PLPPR1: variants seen among roughly 807,000 people sequenced by gnomAD.
PLPPR1 encodes the protein phospholipid phosphatase related 1, also known as phospholipid phosphatase-related protein type 1.
A neutral mutation model predicts 33.1 loss-of-function variants in PLPPR1; 10 were observed. The ratio of observed to expected loss-of-function variants is 0.30; its 90% confidence interval spans 0.19 to 0.51. PLPPR1 has a LOEUF of 0.51. PLPPR1 is among the 20% of genes least tolerant of loss of function. The probability of loss-of-function intolerance (pLI) is 0.97; values close to 1 mark genes in which losing one functional copy is unlikely to be tolerated. For missense variants in PLPPR1, 304 were observed against 408.1 expected (o/e 0.74, Z 2.20); for synonymous variants, 151 against 151.0 (o/e 1.00, Z 0.00).
intron 2 of PLPPR1, among the ~76,000 whole-genome samples, chr9:101,242,448 T>C (rs1376135045): frequency 6.6e-6 from 1 of 152,050 alleles, no homozygotes; most frequent in Non-Finnish European, 1.5e-5. Context: ...CTCTCAATTC[T>C]ATTACAGTAG....
intron 1 of PLPPR1, among the ~76,000 whole-genome samples, chr9:101,076,918 C>T (rs151005121): frequency 7.9e-5 from 12 of 152,274 alleles, no homozygotes; most frequent in Non-Finnish European, 1.3e-4. Context: ...CGGCTTCTTC[C>T]CTACTTCCCT....
At chr9:101,066,375 T>C (rs1830414157) in intron 1 of PLPPR1, among the ~76,000 whole-genome samples, 1 of 151,804 alleles carries the variant, frequency 6.6e-6, no homozygotes, top group Non-Finnish European at 1.5e-5. Context: ...ATTACTTTTG[T>C]CCCTACCCCC....
intron 2 of PLPPR1, among the ~76,000 whole-genome samples, chr9:101,224,509 C>T (rs114441853): frequency 9.1e-4 from 139 of 152,160 alleles, no homozygotes; most frequent in African/African-American, 3.1e-3. Flanking sequence ...ATCGTGGTGA[C>T]GGTTTCACTT....
chr9:101,180,947 C>G (rs1390716630), intron 1 of PLPPR1, among the ~76,000 whole-genome samples: 1 of 151,458 alleles, frequency 6.6e-6, no homozygotes, highest in African/African-American at 2.4e-5. Flanking sequence ...AAGAGACAAC[C>G]TACAGATCAG....
chr9:101,264,269 G>A (rs555230867), intron 2 of PLPPR1, among the ~76,000 whole-genome samples: 1 of 152,200 alleles, frequency 6.6e-6, no homozygotes, highest in Admixed American at 6.5e-5. Flanking sequence ...AAGCTCTGAT[G>A]TCATACTCCC....
chr9:101,171,556 CTTG>C (rs991252516), intron 1 of PLPPR1, among the ~76,000 whole-genome samples: 1 of 152,124 alleles, frequency 6.6e-6, no homozygotes, highest in Admixed American at 6.6e-5. Flanking sequence ...ATGCCACCCT[CTTG>C]TTGTGTCTGG....
chr9:101,214,238 C>T (rs903836070), intron 2 of PLPPR1, among the ~76,000 whole-genome samples: 8 of 152,218 alleles, frequency 5.3e-5, no homozygotes, highest in Admixed American at 4.6e-4. Context: ...GGGAAAATTA[C>T]AATTTGACCT....
At chr9:101,093,607 C>G (rs945511938) in intron 1 of PLPPR1, among the ~76,000 whole-genome samples, 2 of 152,186 alleles carry the variant, frequency 1.3e-5, no homozygotes, top group African/African-American at 4.8e-5. Flanking sequence ...GCATTCAACC[C>G]TATGTTCTTC....
rs1339030895 is a variant in PLPPR1 at position 101,286,235 on chromosome 9, A to C, written c.384A>C (p.Thr128=). The part of the protein sequence containing the change: ...NPLLRRIIRF[T]GVFAFGLFAT... Reference sequence around the variant, plus strand: ...TACTTCGAAGGATCATAAGATTCACAGGTGAGTACAAGATGGTGCTGAACT... The same window carrying C: ...TACTTCGAAGGATCATAAGATTCACCGGTGAGTACAAGATGGTGCTGAACT... Residue 128 remains threonine, a splice_region_variant and synonymous_variant, in exon 4 of 8, where the codon ACA becomes ACC. Transcript: ENST00000374874. 1 of 1,613,532 alleles carries C rather than the reference A, an allele frequency of 6.2e-7. No homozygotes were observed. Among genetic ancestry groups the C allele is most frequent in the Admixed American group, 1.7e-5 (1 of 59,926 alleles).
chr9:101,239,843 C>A (rs145285182), intron 2 of PLPPR1, among the ~76,000 whole-genome samples: 220 of 152,116 alleles, frequency 1.4e-3, no homozygotes, highest in South Asian at 2.7e-3. Context: ...TCCCATTCTA[C>A]AGGTTCTTCC....
At chr9:101,288,093 TAA>T (rs1828427449) in intron 4 of PLPPR1, among the ~76,000 whole-genome samples, 1 of 152,178 alleles carries the variant, frequency 6.6e-6, no homozygotes, top group African/African-American at 2.4e-5. Context: ...GTCCAAGGAA[TAA>T]AAATTTTGAC....
chr9:101,212,036 AT>A (rs113679097), intron 2 of PLPPR1, among the ~76,000 whole-genome samples: 4 of 150,306 alleles, frequency 2.7e-5, no homozygotes, highest in South Asian at 2.1e-4. Context: ...TTGCTGTGAG[AT>A]TTTTTTTTTC....
At chr9:101,280,519 A>G (rs933873094) in intron 3 of PLPPR1, among the ~76,000 whole-genome samples, 7 of 152,298 alleles carry the variant, frequency 4.6e-5, no homozygotes, top group Admixed American at 4.6e-4. Context: ...TCCCTAATGA[A>G]CATGGTTGCA....
chr9:101,078,111 A>AAGGAGAAGGAGAAGGAGG (rs1564138147), intron 1 of PLPPR1, among the ~76,000 whole-genome samples: 1 of 13,094 alleles, frequency 7.6e-5, no homozygotes, highest in Non-Finnish European at 1.3e-4. Context: ...GGAGAAGAAG[A>AAGGAGAAGGAGAAGGAGG]AGAAGAAGAA....
At chr9:101,099,633 C>T (rs189506206) in intron 1 of PLPPR1, among the ~76,000 whole-genome samples, 101 of 152,164 alleles carry the variant, frequency 6.6e-4, no homozygotes, top group African/African-American at 2.3e-3. Flanking sequence ...ATAGTGCTTA[C>T]ATTGTATTAG....
chr9:101,312,262 T>C (rs1828973006), intron 5 of PLPPR1, among the ~76,000 whole-genome samples: 1 of 151,784 alleles, frequency 6.6e-6, no homozygotes, highest in South Asian at 2.1e-4. Flanking sequence ...TAATTCAGCC[T>C]ATCAACTAAC....
chr9:101,246,335 G>A (rs998685592), intron 2 of PLPPR1, among the ~76,000 whole-genome samples: 2 of 151,750 alleles, frequency 1.3e-5, no homozygotes, highest in Non-Finnish European at 2.9e-5. Flanking sequence ...CTAATTAAGA[G>A]GACAGGGACA....
At chr9:101,117,658 T>TAA (rs534608741) in intron 1 of PLPPR1, among the ~76,000 whole-genome samples, 6 of 142,088 alleles carry the variant, frequency 4.2e-5, no homozygotes, top group East Asian at 2.1e-4. Context: ...TGCTTTCACT[T>TAA]AAAAAAAAAA....
chr9:101,260,908 A>G (rs1827886789), intron 2 of PLPPR1, among the ~76,000 whole-genome samples: 1 of 152,240 alleles, frequency 6.6e-6, no homozygotes. Context: ...CAATGTTTTC[A>G]GATAGTTAAG....
Sources: gnomAD v4.1 joint callset for allele counts (sites outside exome capture counted in the v4.1 genomes callset) on GRCh38, gnomAD v4.1.1 for gene constraint, MANE v1.5 for transcripts, NCBI Gene and HGNC (gene_info 2026-07-23, HGNC 2026-07-21) for gene names.